SPHKAP: variants seen among roughly 807,000 people sequenced by gnomAD.
The protein encoded by SPHKAP is SPHK1 interactor, AKAP domain containing, also known as A-kinase anchor protein SPHKAP.
A neutral mutation model predicts 137.5 loss-of-function variants in SPHKAP; 67 were observed. The observed-to-expected ratio is 0.49, with a 90% confidence interval of 0.40 to 0.60. The LOEUF is 0.60. SPHKAP is among the 20% of genes least tolerant of loss of function. The pLI, the probability that SPHKAP is intolerant of heterozygous loss-of-function variation, is 0.00. For synonymous variants in SPHKAP, 813 were observed against 785.3 expected (o/e 1.04, Z -0.59); for missense variants, 2,097 against 2,069.3 (o/e 1.01, Z -0.26).
intron 3 of SPHKAP, among the ~76,000 whole-genome samples, chr2:228,060,776 G>A (rs763389275): frequency 1.3e-5 from 2 of 152,210 alleles, no homozygotes; most frequent in Non-Finnish European, 2.9e-5. Flanking sequence ...GGCTGACATG[G>A]AGAGGCAGAG....
intron 1 of SPHKAP, among the ~76,000 whole-genome samples, chr2:228,141,779 T>TA (rs374151659): frequency 1.1e-3 from 175 of 152,282 alleles, no homozygotes; most frequent in African/African-American, 3.7e-3. Context: ...CTCTAAAGCT[T>TA]ACAGAAGACT....
chr2:228,080,502 T>A (rs985832243), intron 3 of SPHKAP, among the ~76,000 whole-genome samples: 2 of 152,044 alleles, frequency 1.3e-5, no homozygotes, highest in Non-Finnish European at 2.9e-5. Context: ...AGGTTAAGTG[T>A]TTGAGACCAG....
intron 8 of SPHKAP, chr2:227,994,194 G>T: frequency 4.7e-6 from 2 of 422,206 alleles, no homozygotes; most frequent in Non-Finnish European, 6.3e-6. Context: ...GCTGGGCAAT[G>T]TCAATGTTTT....
At chr2:227,985,260 T>C (rs7576261) in intron 11 of SPHKAP, among the ~76,000 whole-genome samples, 25,667 of 152,074 alleles carry the variant, frequency 0.17, 2,394 homozygotes, top group East Asian at 0.39. Context: ...CCCCACTAAA[T>C]AGAGCATGCT....
chr2:228,047,795 T>C (rs1696120454), intron 3 of SPHKAP, among the ~76,000 whole-genome samples: 1 of 152,116 alleles, frequency 6.6e-6, no homozygotes, highest in Non-Finnish European at 1.5e-5. Context: ...CAGCTGTAAA[T>C]GAAGACAGAC....
rs1000791928 is a variant in SPHKAP, at chr2:228,016,442, C to T, written c.4412G>A (p.Gly1471Asp). The T allele has an allele frequency of 3.1e-6, 5 of 1,609,950 alleles. No individual in the cohort carries two copies. In the Middle Eastern group the frequency reaches 5.0e-4, roughly 160 times the overall value. ...NDKNIPDVVR[G>D]GDTAVSACQI... ...ACAAGCGCTCACGGCTGTGTCTCCA[C>T]CTCTCACCACATCTGGGATGTTTTT... is the stretch of plus-strand genomic sequence containing the variant. The change falls in exon 7 of 12, where the codon GGT becomes GAT. Residue 1471 changes from glycine (G) to aspartate (D), a missense_variant. Gly to Asp is a moderately conservative substitution (Grantham distance 94, BLOSUM62 -1). Coordinates refer to ENST00000392056, the MANE Select transcript of SPHKAP (RefSeq NM_001142644.2).
chr2:228,122,234 C>T (rs1035468166), intron 2 of SPHKAP, among the ~76,000 whole-genome samples: 4 of 152,114 alleles, frequency 2.6e-5, no homozygotes, highest in African/African-American at 9.7e-5. Context: ...CAGCATCAGC[C>T]TCAACTCCAC....
chr2:228,001,790 A>T (rs530627804), intron 7 of SPHKAP, among the ~76,000 whole-genome samples: 1 of 151,760 alleles, frequency 6.6e-6, no homozygotes, highest in Non-Finnish European at 1.5e-5. Flanking sequence ...TCATTGTTCA[A>T]TTCCCACCTA....
In SPHKAP at chr2:228,146,259, G is replaced by A. The variant is rs532966329; in HGVS notation, c.33-14174C>T. 1.8e-4 allele frequency among the ~76,000 whole-genome samples: 28 copies of A among 152,106 alleles called. 1 individual carries two copies. The highest frequency in any genetic ancestry group is 8.3e-4 in the South Asian group (4 of 4,822). ...ACGGATGAACACCCATTGACACATC[G>A]TAATCACCCAACACCCACAGTTCAC... On this transcript the variant is annotated intron_variant, in intron 1 of 11. Coordinates refer to ENST00000392056, the MANE Select transcript of SPHKAP (RefSeq NM_001142644.2).
At chr2:228,170,050 A>G (rs1344508157) in intron 1 of SPHKAP, among the ~76,000 whole-genome samples, 1 of 152,048 alleles carries the variant, frequency 6.6e-6, no homozygotes, top group Non-Finnish European at 1.5e-5. Context: ...CATGGATGAC[A>G]TTGAGGGGTT....
chr2:228,180,668 C>A (rs1700880291), intron 1 of SPHKAP, among the ~76,000 whole-genome samples: 1 of 152,188 alleles, frequency 6.6e-6, no homozygotes, highest in Non-Finnish European at 1.5e-5. Flanking sequence ...TGGCTCCCGG[C>A]GCGAGCGCTC....
At chr2:227,994,478 T>C (rs935301313) in intron 8 of SPHKAP, among the ~76,000 whole-genome samples, 5 of 152,196 alleles carry the variant, frequency 3.3e-5, no homozygotes, top group African/African-American at 1.2e-4. Context: ...TTCAAGCAAG[T>C]CTTCCAAAGG....
At chr2:228,172,314 T>C (rs1700608785) in intron 1 of SPHKAP, among the ~76,000 whole-genome samples, 1 of 152,182 alleles carries the variant, frequency 6.6e-6, no homozygotes, top group East Asian at 1.9e-4. Flanking sequence ...TGATTCCCAG[T>C]TCACACTCCA....
chr2:228,112,041 A>G (rs1285041235), intron 2 of SPHKAP, among the ~76,000 whole-genome samples: 1 of 152,146 alleles, frequency 6.6e-6, no homozygotes, highest in Non-Finnish European at 1.5e-5. Flanking sequence ...CTACTTGGCA[A>G]GTATTATCAG....
At chr2:228,090,461 GT>G (rs1697689941) in intron 3 of SPHKAP, among the ~76,000 whole-genome samples, 1 of 152,166 alleles carries the variant, frequency 6.6e-6, no homozygotes, top group African/African-American at 2.4e-5. Context: ...TGGACTTCGA[GT>G]TGATGCTGAA....
chr2:228,141,376 C>T (rs879635820), intron 1 of SPHKAP, among the ~76,000 whole-genome samples: 1 of 152,156 alleles, frequency 6.6e-6, no homozygotes, highest in Non-Finnish European at 1.5e-5. Flanking sequence ...GCACCTAGCA[C>T]AGGTAATTAC....
chr2:228,110,804 C>T (rs1006817005), intron 2 of SPHKAP, among the ~76,000 whole-genome samples: 2 of 152,022 alleles, frequency 1.3e-5, no homozygotes, highest in Admixed American at 6.6e-5. Context: ...TCACTCTTCT[C>T]GCTAAAGGGT....
chr2:228,107,758 C>T (rs1698388031), intron 3 of SPHKAP, among the ~76,000 whole-genome samples: 1 of 152,142 alleles, frequency 6.6e-6, no homozygotes, highest in African/African-American at 2.4e-5. Flanking sequence ...ACTGAATTTG[C>T]AAAGAAGATA....
Position 228,117,904 on chromosome 2 carries a change from T to C in SPHKAP, c.139-8965A>G, listed in dbSNP as rs371123414. Among the ~76,000 whole-genome samples, 4 of 151,354 alleles carry C rather than the reference T, an allele frequency of 2.6e-5. 1 individual carries two copies. Among genetic ancestry groups the C allele is most frequent in the African/African-American group, 9.7e-5 (4 of 41,302 alleles). ...TTATTGGTTCATTGAAAAGAGGACC[T>C]GAATAAGTGAAAAATAGTGACAAAT... On this transcript the variant is annotated intron_variant, in intron 2 of 11. Transcript: ENST00000392056.
Sources: gnomAD v4.1 joint callset for allele counts (sites outside exome capture counted in the v4.1 genomes callset) on GRCh38, gnomAD v4.1.1 for gene constraint, MANE v1.5 for transcripts, NCBI Gene and HGNC (gene_info 2026-07-23, HGNC 2026-07-21) for gene names.